The following SCN11A variants were observed in gnomAD, a reference collection of about 807,000 sequenced individuals.
SCN11A encodes the protein sodium channel protein type 11 subunit alpha.
Under a neutral mutation model 162.2 loss-of-function variants are expected in SCN11A, and 122 were observed. That is an observed-to-expected ratio of 0.75 (90% CI 0.65 to 0.87). The LOEUF (loss-of-function observed/expected upper bound fraction) is 0.87. Among genes scored for constraint, SCN11A ranks in the 40% least tolerant of loss-of-function variants. SCN11A has a pLI of 0.00. For synonymous variants in SCN11A, 758 were observed against 751.5 expected, an observed-to-expected ratio of 1.01 and a Z score of -0.14; for missense variants, 2,015 against 2,181.6, an observed-to-expected ratio of 0.92 and a Z score of 1.52.
chr3:38,995,048 CAGGAA>C (rs1457392963), intron 2 of SCN11A, among the ~76,000 whole-genome samples: 1 of 151,948 alleles, frequency 6.6e-6, no homozygotes, highest in Non-Finnish European at 1.5e-5. Flanking sequence ...ACAAGCTTGA[CAGGAA>C]AGGGTAGAAA....
At chr3:38,949,484 T>C (rs1190053859) in intron 5 of SCN11A, among the ~76,000 whole-genome samples, 5 of 152,248 alleles carry the variant, frequency 3.3e-5, no homozygotes, top group Admixed American at 6.5e-5. Context: ...GTTTCATTTA[T>C]TGAGCTCCTA....
At chr3:38,947,693 C>A (rs965869787) in intron 5 of SCN11A, among the ~76,000 whole-genome samples, 1 of 152,218 alleles carries the variant, frequency 6.6e-6, no homozygotes, top group East Asian at 1.9e-4. Context: ...TAGCATGACT[C>A]CCTGGGCACT....
intron 22 of SCN11A, 59 bp downstream of exon 22, chr3:38,883,174 A>G: frequency 6.7e-7 from 1 of 1,482,146 alleles, no homozygotes; most frequent in South Asian, 1.3e-5. Flanking sequence ...GCCAAGTCAG[A>G]GTGCAGCTTC....
chr3:38,935,134 T>C (rs2066309463), intron 7 of SCN11A, among the ~76,000 whole-genome samples: 1 of 151,442 alleles, frequency 6.6e-6, no homozygotes, highest in African/African-American at 2.4e-5. Context: ...GACTACTGGG[T>C]ACATAACGAA....
chr3:38,957,297 T>C (rs2066693330), intron 3 of SCN11A, among the ~76,000 whole-genome samples: 1 of 152,226 alleles, frequency 6.6e-6, no homozygotes, highest in Non-Finnish European at 1.5e-5. Context: ...TTTAACGTTA[T>C]ATCCTTCTCA....
intron 7 of SCN11A, among the ~76,000 whole-genome samples, chr3:38,933,488 C>T (rs1293358983): frequency 1.3e-5 from 2 of 151,864 alleles, no homozygotes; most frequent in African/African-American, 2.4e-5. Flanking sequence ...AAAATTTAGA[C>T]GAAAGTATAA....
At chr3:39,021,296 T>A (rs1347912563) in intron 2 of SCN11A, among the ~76,000 whole-genome samples, 2 of 152,228 alleles carry the variant, frequency 1.3e-5, no homozygotes, top group Non-Finnish European at 2.9e-5. Context: ...TGGCAGTTTC[T>A]GATTGGTTAA....
chr3:39,035,896 T>C (rs9861057), intron 1 of SCN11A, among the ~76,000 whole-genome samples: 67,664 of 152,050 alleles, frequency 0.45, 18,202 homozygotes, highest in African/African-American at 0.77. Context: ...GCCTTGGCCT[T>C]CCAAAGTGCT....
chr3:38,976,755 CCT>C (rs2066852285), intron 2 of SCN11A, among the ~76,000 whole-genome samples: 1 of 152,112 alleles, frequency 6.6e-6, no homozygotes, highest in African/African-American at 2.4e-5. Context: ...TAACCCTTCC[CCT>C]CTCTCTCCCA....
At position 39,014,311 on chromosome 3, in the gene SCN11A, CT is replaced by C. The variant is rs1307759615; in HGVS notation, c.-280+18068del. ...TATTGTGTCTCCTGATGTAAGCATT[CT>C]GCTCTTGGGAATTAGGACTTCTAGA... On this transcript the variant is annotated intron_variant, in intron 2 of 29. Transcript: ENST00000302328. Among the ~76,000 whole-genome samples the C allele has an allele frequency of 5.9e-5, 9 of 152,320 alleles. 1 individual carries two copies. Among genetic ancestry groups the C allele is most frequent in the African/African-American group, 2.2e-4 (9 of 41,570 alleles).
At chr3:39,004,491 C>T (rs754835351) in intron 2 of SCN11A, among the ~76,000 whole-genome samples, 10 of 151,992 alleles carry the variant, frequency 6.6e-5, no homozygotes, top group Non-Finnish European at 1.5e-4. Flanking sequence ...TTAGGATTGT[C>T]TTGAGTATTT....
Position 38,941,657 on chromosome 3 carries a change from T to C in SCN11A, c.488+3754A>G, listed in dbSNP as rs568535957. Among the ~76,000 whole-genome samples, 9 of 152,198 alleles carry C rather than the reference T, an allele frequency of 5.9e-5. No homozygotes were observed. In the East Asian group the frequency reaches 1.7e-3, roughly 29 times the overall value. The stretch of plus-strand genomic sequence containing the variant: ...ATTTAACAATGCATTGTTTAATATG[T>C]GAAGAAACCACTAAAAAATGCAAAT... On this transcript the variant is annotated intron_variant, in intron 7 of 29. Transcript: ENST00000302328.
intron 9 of SCN11A, among the ~76,000 whole-genome samples, chr3:38,922,206 C>A (rs1176898136): frequency 2.0e-5 from 3 of 152,230 alleles, no homozygotes; most frequent in African/African-American, 7.2e-5. Context: ...CACATGGCAG[C>A]ATACAGTGGG....
At chr3:38,853,657 C>T (rs1220853829) in intron 28 of SCN11A, among the ~76,000 whole-genome samples, 3 of 152,078 alleles carry the variant, frequency 2.0e-5, no homozygotes, top group Non-Finnish European at 2.9e-5. Context: ...TTCTGGGTGC[C>T]GAGAATAGCA....
chr3:38,925,636 A>T, intron 8 of SCN11A, 127 bp from the exon 9 acceptor site: 1 of 646,878 alleles, frequency 1.5e-6, no homozygotes, highest in Non-Finnish European at 2.8e-6. Context: ...CGACAGCCTC[A>T]CCTTTCCAGC....
intron 11 of SCN11A, among the ~76,000 whole-genome samples, chr3:38,912,092 C>A (rs2125539868): frequency 6.6e-6 from 1 of 152,296 alleles, no homozygotes; most frequent in South Asian, 2.1e-4. Flanking sequence ...GGAGGGCATC[C>A]ATTGTGCCCT....
rs552863371 is a variant in SCN11A at position 39,022,242 on chromosome 3, T to C, written c.-280+10138A>G. Reference sequence around the variant, plus strand: ...CTCATGGAGAGGCGTGAAGCTCAATTGTGCATGTGCATGTTTCTCCTTTCA... The same window carrying C: ...CTCATGGAGAGGCGTGAAGCTCAATCGTGCATGTGCATGTTTCTCCTTTCA... On this transcript the variant is annotated intron_variant, in intron 2 of 29. Coordinates refer to ENST00000302328, the MANE Select transcript of SCN11A (RefSeq NM_001349253.2). Among the ~76,000 whole-genome samples, 6 of 152,316 alleles carry C rather than the reference T, an allele frequency of 3.9e-5. No individual in the cohort carries two copies. In the East Asian group the frequency reaches 1.2e-3, roughly 29 times the overall value.
chr3:38,866,217 T>C (rs905796284), intron 27 of SCN11A, among the ~76,000 whole-genome samples: 10 of 152,152 alleles, frequency 6.6e-5, no homozygotes, highest in African/African-American at 2.2e-4. Context: ...TTTTTTTTTT[T>C]TTTCTCTTTT....
intron 2 of SCN11A, among the ~76,000 whole-genome samples, chr3:39,031,266 C>T (rs941203460): frequency 2.6e-5 from 4 of 152,134 alleles, no homozygotes; most frequent in Admixed American, 6.5e-5. Flanking sequence ...TCTCGCTTGC[C>T]TATAATCCCA....
Sources: allele counts gnomAD v4.1 joint callset (sites outside exome capture counted in the v4.1 genomes callset), GRCh38; gene constraint gnomAD v4.1.1; transcripts MANE v1.5; gene names NCBI Gene and HGNC (gene_info 2026-07-23, HGNC 2026-07-21).